SRGAP3: variants seen among roughly 807,000 people sequenced by gnomAD.
SRGAP3 encodes the protein SLIT-ROBO Rho GTPase-activating protein 3.
SRGAP3 carries 39 observed loss-of-function variants against 121.1 expected under a neutral mutation model. The ratio of observed to expected loss-of-function variants is 0.32; its 90% CI spans 0.25 to 0.42. The LOEUF is 0.42. SRGAP3 is among the 10% of genes least tolerant of loss of function. SRGAP3 has a pLI of 1.00. For missense variants in SRGAP3, 1,213 were observed against 1,470.6 expected, an observed-to-expected ratio of 0.82 and a Z score of 2.86; for synonymous variants, 601 against 570.0, an observed-to-expected ratio of 1.05 and a Z score of -0.77.
chr3:9,162,033 G>C (rs1270108397), intron 1 of SRGAP3, among the ~76,000 whole-genome samples: 1 of 152,140 alleles, frequency 6.6e-6, no homozygotes, highest in Non-Finnish European at 1.5e-5. Flanking sequence ...GAATGAACTT[G>C]AAGACATGCT....
intron 1 of SRGAP3, among the ~76,000 whole-genome samples, chr3:9,151,104 G>A (rs1406780582): frequency 6.6e-6 from 1 of 152,206 alleles, no homozygotes; most frequent in African/African-American, 2.4e-5. Context: ...GGTACAGAAT[G>A]CCATGCAGTA....
chr3:9,106,882 A>G (rs567440925), intron 2 of SRGAP3, among the ~76,000 whole-genome samples: 22 of 152,010 alleles, frequency 1.4e-4, no homozygotes, highest in African/African-American at 5.3e-4. Flanking sequence ...CCCAAAGCCA[A>G]GCAGAAGGAC....
In SRGAP3 at chr3:9,150,085, TGGGATA is replaced by T. The variant is rs1395745208; in HGVS notation, c.68-25174_68-25169del. Among the ~76,000 whole-genome samples, 4 of 151,912 alleles carry T rather than the reference TGGGATA, an allele frequency of 2.6e-5. 1 individual carries two copies. The East Asian group carries it at 7.8e-4, about 29-fold the overall frequency. On this transcript the variant is annotated intron_variant, in intron 1 of 21. Transcript: ENST00000383836. ...AACTGTAATCCAGTGAGATGAACACTGGGATAGGGCAAGTGCAGGGCACAGGGTGGA... is the reference window on the plus strand; with the variant it reads ...AACTGTAATCCAGTGAGATGAACACTGGGCAAGTGCAGGGCACAGGGTGGA...
intron 2 of SRGAP3, among the ~76,000 whole-genome samples, chr3:9,329,735 G>C (rs1955574999): frequency 6.6e-6 from 1 of 152,198 alleles, no homozygotes; most frequent in African/African-American, 2.4e-5. Flanking sequence ...GCAGCAAAGG[G>C]ATCTTTTCCA....
intron 1 of SRGAP3, among the ~76,000 whole-genome samples, chr3:9,165,370 T>C (rs1231846647): frequency 6.6e-6 from 1 of 152,148 alleles, no homozygotes; most frequent in Non-Finnish European, 1.5e-5. Context: ...CATGAGTCCC[T>C]TCCCTGTCCC....
Position 9,109,886 on chromosome 3 carries a change from G to C in SRGAP3, c.261-5044C>G, listed in dbSNP as rs1948554406. Among the ~76,000 whole-genome samples the C allele has an allele frequency of 6.6e-6, 1 of 152,138 alleles. No individual in the cohort carries two copies. The highest frequency in any genetic ancestry group is 2.4e-5 in the African/African-American group (1 of 41,442). On this transcript the variant is annotated intron_variant, in intron 2 of 21. Coordinates refer to ENST00000383836, the MANE Select transcript of SRGAP3 (RefSeq NM_014850.4). This position sits in a 1 kb window ranked among gnomAD's most constrained non-coding sequence, Gnocchi z 4.4. ...AGAGGGAGGAGCAGGTAGGGAGGGG[G>C]CCCAAGCATGGTGTTTTGGGGTAGG... is the stretch of plus-strand genomic sequence containing the variant.
intron 10 of SRGAP3, among the ~76,000 whole-genome samples, chr3:9,041,211 G>C (rs73146014): frequency 0.053 from 8,059 of 152,282 alleles, 738 homozygotes; most frequent in African/African-American, 0.19. Flanking sequence ...GCTAAGTGTA[G>C]AGTCTGGATT....
At chr3:9,111,287 T>C (rs189069299) in intron 2 of SRGAP3, among the ~76,000 whole-genome samples, 1 of 152,286 alleles carries the variant, frequency 6.6e-6, no homozygotes, top group East Asian at 1.9e-4. Flanking sequence ...CTGGCCTGAT[T>C]TGTGGGTCAC....
chr3:9,304,184 C>G (rs1301247634), intron 3 of SRGAP3, among the ~76,000 whole-genome samples: 1 of 152,182 alleles, frequency 6.6e-6, no homozygotes, highest in African/African-American at 2.4e-5. Context: ...AAGAACAGTG[C>G]CTGTGTCCTA....
chr3:9,230,208 A>G (rs1343936836), intron 1 of SRGAP3, among the ~76,000 whole-genome samples: 1 of 152,220 alleles, frequency 6.6e-6, no homozygotes, highest in Non-Finnish European at 1.5e-5. Context: ...AGGTTGGATT[A>G]TTATTATTAC....
intron 11 of SRGAP3, 64 bp downstream of exon 11, chr3:9,037,999 C>T: frequency 6.2e-7 from 1 of 1,609,216 alleles, no homozygotes; most frequent in South Asian, 1.1e-5. Flanking sequence ...CAGTGCCTCC[C>T]CAGCCCCATC....
intron 1 of SRGAP3, among the ~76,000 whole-genome samples, chr3:9,344,284 G>A (rs764416656): frequency 2.0e-5 from 3 of 152,092 alleles, no homozygotes; most frequent in Admixed American, 6.5e-5. Context: ...GTGAAAATCC[G>A]TCTCTACTAA....
intron 3 of SRGAP3, among the ~76,000 whole-genome samples, chr3:9,260,436 C>A (rs143946152): frequency 1.3e-5 from 2 of 152,220 alleles, no homozygotes; most frequent in African/African-American, 4.8e-5. Flanking sequence ...ACTCTAAAGT[C>A]GACCTGCGAT....
intron 1 of SRGAP3, among the ~76,000 whole-genome samples, chr3:9,190,076 C>G (rs767125873): frequency 6.6e-6 from 1 of 152,196 alleles, no homozygotes; most frequent in African/African-American, 2.4e-5. Flanking sequence ...AGTAACCCAT[C>G]CAATATCCCA....
At chr3:9,052,729 C>T (rs778696429) in intron 9 of SRGAP3, among the ~76,000 whole-genome samples, 1 of 152,196 alleles carries the variant, frequency 6.6e-6, no homozygotes, top group African/African-American at 2.4e-5. Context: ...TTGTACCTGA[C>T]TCTGTCAGCC....
chr3:9,071,525 G>A (rs1349551415), intron 4 of SRGAP3, among the ~76,000 whole-genome samples: 1 of 152,128 alleles, frequency 6.6e-6, no homozygotes, highest in Non-Finnish European at 1.5e-5. Context: ...CTAATGGGAG[G>A]AGAATTTGCA....
intron 3 of SRGAP3, among the ~76,000 whole-genome samples, chr3:9,315,477 G>A (rs1026036419): frequency 1.3e-5 from 2 of 152,330 alleles, no homozygotes; most frequent in Non-Finnish European, 1.5e-5. Context: ...CAGAGAGCAC[G>A]TGGACTGAGA....
chr3:9,284,484 C>A (rs898342361), intron 3 of SRGAP3, among the ~76,000 whole-genome samples: 1 of 152,164 alleles, frequency 6.6e-6, no homozygotes, highest in African/African-American at 2.4e-5. Context: ...TTGCACCATT[C>A]GTGCGAAAGT....
At chr3:9,030,960 GTTGT>G (rs995604586) in intron 12 of SRGAP3, among the ~76,000 whole-genome samples, 1 of 148,336 alleles carries the variant, frequency 6.7e-6, no homozygotes, top group Non-Finnish European at 1.5e-5. Context: ...CTTTTTTTTT[GTTGT>G]TTATTTTTGA....
Sources: gnomAD v4.1 joint callset for allele counts (sites outside exome capture counted in the v4.1 genomes callset) on GRCh38, gnomAD v4.1.1 for gene constraint, Gnocchi (gnomAD v3.1) non-coding constraint, MANE v1.5 for transcripts, NCBI Gene and HGNC (gene_info 2026-07-23, HGNC 2026-07-21) for gene names.